Variants in LHFPL2 observed in about 807,000 individuals in gnomAD.
LHFPL2 encodes the protein LHFPL tetraspan subfamily member 2 protein.
Under a neutral mutation model 17.5 loss-of-function variants are expected in LHFPL2, and 7 were observed. The ratio of observed to expected loss-of-function variants is 0.40; its 90% CI spans 0.23 to 0.75. LHFPL2 has a LOEUF of 0.75. Ranked by LOEUF, LHFPL2 falls within the 30% of genes least tolerant of loss-of-function variation. The pLI is 0.37. For synonymous variants in LHFPL2, 134 were observed against 116.2 expected (o/e 1.15, Z -0.99); for missense variants, 241 against 294.8 (o/e 0.82, Z 1.34).
intron 4 of LHFPL2, among the ~76,000 whole-genome samples, chr5:78,506,011 G>GTGCAC (rs1444175303): frequency 6.6e-6 from 1 of 152,250 alleles, no homozygotes; most frequent in African/African-American, 2.4e-5. Flanking sequence ...TCAAGGACAT[G>GTGCAC]TGCACAGTAT....
rs538377524 is a variant in LHFPL2, at chr5:78,496,191, C to T, written c.431-7038G>A. On this transcript the variant is annotated intron_variant, in intron 4 of 4. Transcript: ENST00000380345. The stretch of plus-strand genomic sequence containing the variant: ...GATACAACAGTATCCTAGTGGGACT[C>T]AGCCTCTTGAAGCAGAAAAGCTTTG... Among the ~76,000 whole-genome samples, 6 of 152,292 alleles carry T rather than the reference C, an allele frequency of 3.9e-5. No homozygotes were observed. The South Asian group carries it at 1.2e-3, about 32-fold the overall frequency.
At chr5:78,553,643 C>T (rs1405258325) in intron 3 of LHFPL2, among the ~76,000 whole-genome samples, 3 of 152,186 alleles carry the variant, frequency 2.0e-5, no homozygotes, top group East Asian at 1.9e-4. Context: ...AAACACACAG[C>T]GCAGAAGGAT....
At chr5:78,628,678 C>T (rs1745144683) in intron 2 of LHFPL2, among the ~76,000 whole-genome samples, 1 of 152,236 alleles carries the variant, frequency 6.6e-6, no homozygotes, top group Non-Finnish European at 1.5e-5. Flanking sequence ...TGGTCACCCC[C>T]ATAAAATGTT....
chr5:78,616,424 T>A (rs892963172), intron 2 of LHFPL2, among the ~76,000 whole-genome samples: 2 of 152,018 alleles, frequency 1.3e-5, no homozygotes, highest in African/African-American at 4.8e-5. Flanking sequence ...ACCGCGTCCA[T>A]CCTCTTCCCA....
At position 78,542,486 on chromosome 5, in the gene LHFPL2, G is replaced by A. The variant is rs181919747; in HGVS notation, c.-186+22327C>T. Among the ~76,000 whole-genome samples, 274 of 152,312 alleles carry A rather than the reference G, an allele frequency of 1.8e-3. 1 individual carries two copies. The highest frequency in any genetic ancestry group is 4.9e-3 in the Admixed American group (75 of 15,300). ...TCTGCTTGCATCCCGGGGGCTGGGA[G>A]GCTCTGACAGAGCTGAGCCTTCCCC... is the stretch of plus-strand genomic sequence containing the variant. On this transcript the variant is annotated intron_variant, in intron 3 of 4. Transcript: ENST00000380345.
At chr5:78,525,092 A>C (rs1385199676) in intron 3 of LHFPL2, among the ~76,000 whole-genome samples, 1 of 152,160 alleles carries the variant, frequency 6.6e-6, no homozygotes, top group Admixed American at 6.5e-5. Flanking sequence ...GCTTCTTCCC[A>C]CTATATGCCA....
In LHFPL2 at chr5:78,545,012, C is replaced by G. The variant is rs553035649; in HGVS notation, c.-186+19801G>C. ...GGATCGTGCATCACTCACTCCCACT[C>G]TCTCTCATTTCTCATGGACAATGAA... is the stretch of plus-strand genomic sequence containing the variant. On this transcript the variant is annotated intron_variant, in intron 3 of 4. Transcript: ENST00000380345. 2.6e-5 allele frequency among the ~76,000 whole-genome samples: 4 copies of G among 152,274 alleles called. No homozygotes were observed. The South Asian group carries it at 8.3e-4, about 32-fold the overall frequency.
At chr5:78,518,715 T>G (rs1755360474) in intron 3 of LHFPL2, among the ~76,000 whole-genome samples, 1 of 152,050 alleles carries the variant, frequency 6.6e-6, no homozygotes. Flanking sequence ...GCAGCCTAGA[T>G]GAAGTCACTG....
intron 2 of LHFPL2, among the ~76,000 whole-genome samples, chr5:78,623,603 C>A (rs1274178300): frequency 1.3e-5 from 2 of 151,976 alleles, no homozygotes; most frequent in Non-Finnish European, 2.9e-5. Context: ...TCTAAAATAC[C>A]CTCCATAAAT....
chr5:78,635,741 T>C (rs1580879564), intron 1 of LHFPL2, among the ~76,000 whole-genome samples: 1 of 152,250 alleles, frequency 6.6e-6, no homozygotes, highest in East Asian at 1.9e-4. Context: ...AGGCAGAGCT[T>C]GCAGTGAGCC....
intron 3 of LHFPL2, among the ~76,000 whole-genome samples, chr5:78,553,045 C>T (rs1034959347): frequency 5.3e-5 from 8 of 152,134 alleles, no homozygotes; most frequent in African/African-American, 1.4e-4. Flanking sequence ...GAAATGGGTT[C>T]GCCACAAATG....
Position 78,546,932 on chromosome 5 carries a change from T to C in LHFPL2, c.-186+17881A>G, listed in dbSNP as rs115463170. On this transcript the variant is annotated intron_variant, in intron 3 of 4. Transcript: ENST00000380345. ...AACCTGTGGTTTGCAAACTTTCTTT[T>C]TGAGCATGAAACACTGTTTACAGAA... is the stretch of plus-strand genomic sequence containing the variant. Among the ~76,000 whole-genome samples the C allele has an allele frequency of 3.2e-3, 491 of 152,276 alleles. 2 individuals carry two copies. Among genetic ancestry groups the C allele is most frequent in the Admixed American group, 5.4e-3 (83 of 15,312 alleles).
At position 78,599,909 on chromosome 5, in the gene LHFPL2, A is replaced by C. The variant is rs1046252667; in HGVS notation, c.-245+32355T>G. Among the ~76,000 whole-genome samples the C allele has an allele frequency of 9.2e-5, 14 of 152,134 alleles. 1 individual carries two copies. The highest frequency in any genetic ancestry group is 3.3e-4 in the Admixed American group (5 of 15,278). ...TCTTTACATAGTACCTGAAAAGACA[A>C]ATTTTTGAAGTGACGATTCAGAGTC... On this transcript the variant is annotated intron_variant, in intron 2 of 4. Coordinates refer to ENST00000380345, the MANE Select transcript of LHFPL2 (RefSeq NM_005779.3).
At chr5:78,605,993 C>T (rs1744200252) in intron 2 of LHFPL2, among the ~76,000 whole-genome samples, 1 of 152,202 alleles carries the variant, frequency 6.6e-6, no homozygotes, top group Non-Finnish European at 1.5e-5. Context: ...AATATGAGGA[C>T]TGATGAAACA....
At chr5:78,559,491 C>T (rs971738706) in intron 3 of LHFPL2, among the ~76,000 whole-genome samples, 6 of 152,142 alleles carry the variant, frequency 3.9e-5, no homozygotes, top group Non-Finnish European at 7.4e-5. Flanking sequence ...CTGTGGGATA[C>T]GACTAGTTAG....
intron 2 of LHFPL2, among the ~76,000 whole-genome samples, chr5:78,610,435 G>A (rs575601441): frequency 7.2e-5 from 11 of 152,266 alleles, no homozygotes; most frequent in East Asian, 5.8e-4. Context: ...GGAGAGACTC[G>A]GTCCATGGAG....
intron 3 of LHFPL2, among the ~76,000 whole-genome samples, chr5:78,532,513 A>C (rs1171926354): frequency 6.6e-6 from 1 of 152,138 alleles, no homozygotes; most frequent in African/African-American, 2.4e-5. Flanking sequence ...GGCCCTGATG[A>C]CATCATGAAG....
chr5:78,590,996 T>C (rs1743607422), intron 2 of LHFPL2, among the ~76,000 whole-genome samples: 1 of 151,622 alleles, frequency 6.6e-6, no homozygotes, highest in Non-Finnish European at 1.5e-5. Context: ...AGACAAATAT[T>C]TCTGAGCCAA....
chr5:78,544,948 G>A, intron 3 of LHFPL2, among the ~76,000 whole-genome samples: 1 of 151,988 alleles, frequency 6.6e-6, no homozygotes, highest in East Asian at 1.9e-4. Context: ...GAATTCATCT[G>A]CATTGTAATC....
Sources: allele counts gnomAD v4.1 joint callset (sites outside exome capture counted in the v4.1 genomes callset), GRCh38; gene constraint gnomAD v4.1.1; transcripts MANE v1.5; gene names NCBI Gene and HGNC (gene_info 2026-07-23, HGNC 2026-07-21).